The following HSP90AB1 variants were observed in gnomAD, a reference collection of about 807,000 sequenced individuals.
HSP90AB1 encodes heat shock protein 90 alpha family class B member 1, also known as heat shock protein HSP 90-beta.
In HSP90AB1, 17 loss-of-function variants were observed where a neutral mutation model predicts 67.8. The ratio of observed to expected loss-of-function variants is 0.25; its 90% CI spans 0.17 to 0.38. The LOEUF is 0.38. Ranked by LOEUF, HSP90AB1 falls within the 10% of genes least tolerant of loss-of-function variation. The pLI, the probability that HSP90AB1 is intolerant of heterozygous loss-of-function variation, is 1.00. For missense variants in HSP90AB1, 690 were observed against 899.9 expected, an observed-to-expected ratio of 0.77 and a Z score of 2.98; for synonymous variants, 390 against 312.9, an observed-to-expected ratio of 1.25 and a Z score of -2.60.
rs147654952 is a variant in HSP90AB1, at chr6:44,253,517, G to A, written c.2094G>A (p.Glu698=). Residue 698 remains glutamate (E), a synonymous_variant, in exon 12 of 12, where the codon GAG becomes GAA. Transcript: ENST00000371646. ...TTGATGAAGATGAAGTGGCAGCAGAGGAACCCAATGCTGCAGTTCCTGATG... is the reference window on the plus strand; with the variant it reads ...TTGATGAAGATGAAGTGGCAGCAGAAGAACCCAATGCTGCAGTTCCTGATG... ...LGIDEDEVAA[E]EPNAAVPDEI... 1.1e-3 allele frequency: 1,839 copies of A among 1,614,066 alleles called. 5 individuals carry two copies. The highest frequency in any genetic ancestry group is 1.3e-3 in the Non-Finnish European group (1,560 of 1,179,928).
rs745525119 is a variant in HSP90AB1 at position 44,250,410 on chromosome 6, TGAG to T, written c.774_776del (p.Glu258del). 9 of 1,613,452 alleles carry T rather than the reference TGAG, an allele frequency of 5.6e-6. No individual in the cohort carries two copies. Among genetic ancestry groups the T allele is most frequent in the Admixed American group, 1.7e-5 (1 of 59,880 alleles). Reference sequence around the variant, plus strand: ...CCAAGATCGAAGATGTGGGTTCAGATGAGGAGGATGACAGCGGTAAGGATAAGA... The same window carrying T: ...CCAAGATCGAAGATGTGGGTTCAGATGAGGATGACAGCGGTAAGGATAAGA... On this transcript the variant is annotated inframe_deletion, in exon 6 of 12. Coordinates refer to ENST00000371646, the MANE Select transcript of HSP90AB1 (RefSeq NM_007355.4).
At position 44,253,580 on chromosome 6, in the gene HSP90AB1, C is replaced by G; in HGVS notation, c.2157C>G (p.Arg719=). 6.2e-7 allele frequency: 1 copy of G among 1,613,762 alleles called. No individual in the cohort carries two copies. The highest frequency in any genetic ancestry group is 8.5e-7 in the Non-Finnish European group (1 of 1,179,636). ...TCGAGGGCGATGAGGATGCGTCTCG[C>G]ATGGAAGAAGTCGATTAGGTTAGGA... ...PPLEGDEDAS[R]MEEVD Residue 719 remains arginine (R), a synonymous_variant, in exon 12 of 12, where the codon CGC becomes CGG. Coordinates refer to ENST00000371646, the MANE Select transcript of HSP90AB1 (RefSeq NM_007355.4).
At chr6:44,250,183 C>A in intron 5 of HSP90AB1, 29 bp downstream of exon 5, 1 of 1,613,854 alleles carries the variant, frequency 6.2e-7, no homozygotes, top group South Asian at 1.1e-5. Context: ...ATCTTTTACA[C>A]TTAACGTGCA....
chr6:44,251,653 A>G (rs1283029518), intron 8 of HSP90AB1, 45 bp downstream of exon 8: 1 of 1,586,118 alleles, frequency 6.3e-7, no homozygotes, highest in Admixed American at 1.8e-5. Context: ...CTTTCTTAGT[A>G]ATAACAATAA....
In HSP90AB1 at chr6:44,249,591, A is replaced by C. The variant is rs757158075; in HGVS notation, c.354+8A>C. On this transcript the variant is annotated splice_region_variant and intron_variant, in intron 3 of 11. Coordinates refer to ENST00000371646, the MANE Select transcript of HSP90AB1 (RefSeq NM_007355.4). The stretch of plus-strand genomic sequence containing the variant: ...TTCATGGAGGCTCTTCAGGTATTGC[A>C]GTTCTGTAGGCATTCATACTTATCT... 29 of 1,613,040 alleles carry C rather than the reference A, an allele frequency of 1.8e-5. No individual in the cohort carries two copies. Among genetic ancestry groups the C allele is most frequent in the Non-Finnish European group, 2.4e-5 (28 of 1,179,162 alleles).
At position 44,252,229 on chromosome 6, in the gene HSP90AB1, A is replaced by C. The variant is rs772487954; in HGVS notation, c.1693A>C (p.Lys565Gln). Residue 565 changes from lysine (K) to glutamine (Q), a missense_variant, in exon 10 of 12, where the codon AAG becomes CAG. By Grantham distance (53) the Lys-to-Gln change is moderately conservative. Transcript: ENST00000371646. ...ESKAKFENLC[K>Q]LMKEILDKKV... ...CAAGGCAAAGTTTGAGAACCTCTGC[A>C]AGCTCATGAAAGAAATCTTAGATAA... 4 of 1,614,132 alleles carry C rather than the reference A, an allele frequency of 2.5e-6. No homozygotes were observed. The highest frequency in any genetic ancestry group is 3.4e-6 in the Non-Finnish European group (4 of 1,180,030).
At chr6:44,252,919 G>T in intron 10 of HSP90AB1, 126 bp from the exon 11 acceptor site, 2 of 715,332 alleles carry the variant, frequency 2.8e-6, no homozygotes, top group Non-Finnish European at 4.7e-6. Flanking sequence ...TTGCCATGTT[G>T]GCCAGCATGG....
chr6:44,251,041 C>T lies in HSP90AB1; in HGVS notation c.958-7C>T, dbSNP rs1453582271. ...GAAATGTACCACTTATTTTTGGTTT[C>T]TTTCAGCACTTTTCTGTAGAAGGTC... On this transcript the variant is annotated splice_region_variant and splice_polypyrimidine_tract_variant and intron_variant, in intron 6 of 11. Coordinates refer to ENST00000371646, the MANE Select transcript of HSP90AB1 (RefSeq NM_007355.4). 3 of 1,613,412 alleles carry T rather than the reference C, an allele frequency of 1.9e-6. No homozygotes were observed. The highest frequency in any genetic ancestry group is 2.7e-5 in the African/African-American group (2 of 74,962).
At chr6:44,247,790 C>A (rs746440745) in intron 1 of HSP90AB1, 1 of 152,244 alleles carries the variant, frequency 6.6e-6, no homozygotes, top group Non-Finnish European at 1.5e-5. Context: ...CTGGAAGATT[C>A]ATGGGCTCCT....
rs759605049 is a variant in HSP90AB1, at chr6:44,252,267, G to A, written c.1731G>A (p.Lys577=). ...AAATCTTAGATAAGAAGGTTGAGAAGGTAAGCCATTCTGGGGCTAGGATAT... is the reference window on the plus strand; with the variant it reads ...AAATCTTAGATAAGAAGGTTGAGAAAGTAAGCCATTCTGGGGCTAGGATAT... The part of the protein sequence containing the change: ...MKEILDKKVE[K]VTISNRLVSS... Residue 577 remains lysine (K), a splice_region_variant and synonymous_variant, in exon 10 of 12, where the codon AAG becomes AAA. Transcript: ENST00000371646. 15 of 1,612,868 alleles carry A rather than the reference G, an allele frequency of 9.3e-6. No individual in the cohort carries two copies. The highest frequency in any genetic ancestry group is 2.2e-5 in the South Asian group (2 of 91,060).
chr6:44,250,641 G>C (rs1354046951), intron 6 of HSP90AB1, 42 bp downstream of exon 6: 1 of 1,083,188 alleles, frequency 9.2e-7, no homozygotes. Context: ...TGCACATATG[G>C]AGAGGAATGA....
In HSP90AB1 at chr6:44,250,070, TCAGA is replaced by T. The variant is rs1780452917; in HGVS notation, c.569_572del (p.Thr190SerfsTer3). On this transcript the variant is annotated frameshift_variant, in exon 5 of 12. Coordinates refer to ENST00000371646, the MANE Select transcript of HSP90AB1 (RefSeq NM_007355.4). LOFTEE classifies it high-confidence loss of function. ...AAGTGATCCTCCATCTTAAAGAAGA[TCAGA>T]CAGAGTACCTAGAAGAGAGGCGGGT... 3.1e-6 allele frequency: 5 copies of T among 1,614,148 alleles called. No homozygotes were observed. The highest frequency in any genetic ancestry group is 1.1e-5 in the South Asian group (1 of 91,084).
At chr6:44,252,488 T>C (rs1780779024) in intron 10 of HSP90AB1, among the ~76,000 whole-genome samples, 1 of 151,736 alleles carries the variant, frequency 6.6e-6, no homozygotes, top group Non-Finnish European at 1.5e-5. Flanking sequence ...TAAAATACCA[T>C]CATTTTCTTT....
At chr6:44,249,287 T>C in intron 2 of HSP90AB1, 90 bp from the exon 3 acceptor site, 1 of 1,039,864 alleles carries the variant, frequency 9.6e-7, no homozygotes, top group African/African-American at 1.6e-5. Flanking sequence ...TGCAGTGAGC[T>C]GTCATCCTTG....
chr6:44,253,729 C>T lies in HSP90AB1; in HGVS notation c.*131C>T, dbSNP rs780506317. ...CTAGTGTTTTTTTCCCTCTCCTGTC[C>T]TTGTGTTGAAGGCAGTAAACTAAGG... is the stretch of plus-strand genomic sequence containing the variant. On this transcript the variant is annotated 3_prime_UTR_variant, in exon 12 of 12. Coordinates refer to ENST00000371646, the MANE Select transcript of HSP90AB1 (RefSeq NM_007355.4). The T allele has an allele frequency of 6.3e-6, 5 of 795,018 alleles. No homozygotes were observed. The highest frequency in any genetic ancestry group is 5.1e-5 in the African/African-American group (3 of 59,342). The allele number at this position is 795,018 out of a possible 1,614,324, so 49.2% of individuals were successfully genotyped here.
At position 44,247,159 on chromosome 6, in the gene HSP90AB1, G is replaced by A. The variant is rs181698211; in HGVS notation, c.-37G>A. 27 of 152,380 alleles carry A rather than the reference G, an allele frequency of 1.8e-4. No homozygotes were observed. The highest frequency in any genetic ancestry group is 5.3e-4 in the African/African-American group (22 of 41,582). 9.4% of individuals were successfully genotyped at this position (152,380 alleles called of 1,614,324 possible). Reference sequence around the variant, plus strand: ...TCTGGGTATCGGAAAGCAAGCCTACGTTGCTCACTATTACGTATAATCCTT... The same window carrying A: ...TCTGGGTATCGGAAAGCAAGCCTACATTGCTCACTATTACGTATAATCCTT... On this transcript the variant is annotated 5_prime_UTR_variant, in exon 1 of 12. Coordinates refer to ENST00000371646, the MANE Select transcript of HSP90AB1 (RefSeq NM_007355.4).
chr6:44,251,995 A>G lies in HSP90AB1; in HGVS notation c.1463-4A>G, dbSNP rs776131533. ...GTCACTGAGTTCATTTAATTACCCT[A>G]CAGGTGAGAGCAAAGAGCAGGTGGC... is the stretch of plus-strand genomic sequence containing the variant. On this transcript the variant is annotated splice_region_variant and splice_polypyrimidine_tract_variant and intron_variant, in intron 9 of 11. Transcript: ENST00000371646. 2 of 1,614,164 alleles carry G rather than the reference A, an allele frequency of 1.2e-6. No homozygotes were observed. Among genetic ancestry groups the G allele is most frequent in the Admixed American group, 1.7e-5 (1 of 60,022 alleles).
At position 44,253,165 on chromosome 6, in the gene HSP90AB1, G is replaced by A. The variant is rs1780944489; in HGVS notation, c.1852G>A (p.Gly618Ser). 6.2e-7 allele frequency: 1 copy of A among 1,614,036 alleles called. No individual in the cohort carries two copies. The highest frequency in any genetic ancestry group is 8.5e-7 in the Non-Finnish European group (1 of 1,180,018). The change falls in exon 11 of 12, where the codon GGC becomes AGC. Residue 618 changes from glycine to serine, a missense_variant. Transcript: ENST00000371646. ...AQALRDNSTMGYMMAKKHLEI... is the reference protein window; with the variant it reads ...AQALRDNSTMSYMMAKKHLEI... Reference sequence around the variant, plus strand: ...GGCACTTCGGGACAACTCCACCATGGGCTATATGATGGCCAAAAAGCACCT... The same window carrying A: ...GGCACTTCGGGACAACTCCACCATGAGCTATATGATGGCCAAAAAGCACCT...
At position 44,249,490 on chromosome 6, in the gene HSP90AB1, A is replaced by G; in HGVS notation, c.261A>G (p.Val87=). 1 of 1,614,114 alleles carries G rather than the reference A, an allele frequency of 6.2e-7. No homozygotes were observed. The highest frequency in any genetic ancestry group is 8.5e-7 in the Non-Finnish European group (1 of 1,179,924). The change falls in exon 3 of 12, where the codon GTA becomes GTG. Residue 87 remains valine, a synonymous_variant. Coordinates refer to ENST00000371646, the MANE Select transcript of HSP90AB1 (RefSeq NM_007355.4). ...PNPQERTLTL[V]DTGIGMTKAD... is the part of the protein sequence containing the mutation. ...CTCAGGAACGTACCCTGACTTTGGT[A>G]GACACAGGCATTGGCATGACCAAAG...
Sources: gnomAD v4.1 joint callset for allele counts (sites outside exome capture counted in the v4.1 genomes callset) on GRCh38, gnomAD v4.1.1 for gene constraint, MANE v1.5 for transcripts, NCBI Gene and HGNC (gene_info 2026-07-23, HGNC 2026-07-21) for gene names.